The following MIB1 variants were observed in gnomAD, a reference collection of about 807,000 sequenced individuals.
The protein encoded by MIB1 is MIB E3 ubiquitin protein ligase 1.
Under a neutral mutation model 124.5 loss-of-function variants are expected in MIB1, and 278 were observed. That is an observed-to-expected ratio of 2.23 (90% CI 2.02 to 2.47). The LOEUF is 2.47. Ranked by LOEUF, MIB1 falls within the 30% of genes most tolerant of loss-of-function variation. MIB1 has a pLI of 0.00. For synonymous variants in MIB1, 446 were observed against 429.4 expected (o/e 1.04, Z -0.48); for missense variants, 957 against 1,254.4 (o/e 0.76, Z 3.58).
intron 6 of MIB1, among the ~76,000 whole-genome samples, chr18:21,782,023 A>T (rs554396841): frequency 6.6e-6 from 1 of 151,784 alleles, no homozygotes; most frequent in Non-Finnish European, 1.5e-5. Flanking sequence ...GCTGATCTTT[A>T]TTACTTCTTC....
intron 12 of MIB1, among the ~76,000 whole-genome samples, chr18:21,833,704 T>C (rs1414957529): frequency 6.6e-6 from 1 of 152,174 alleles, no homozygotes; most frequent in Non-Finnish European, 1.5e-5. Flanking sequence ...TGCATACCAG[T>C]GTAGACAGCT....
intron 13 of MIB1, among the ~76,000 whole-genome samples, chr18:21,840,663 ATATT>A (rs1424289477): frequency 4.7e-4 from 1 of 2,140 alleles, no homozygotes; most frequent in African/African-American, 7.2e-4. Context: ...ATATATATAT[ATATT>A]TTTTTTTTTT....
chr18:21,764,320 A>G (rs920395019), intron 1 of MIB1, among the ~76,000 whole-genome samples: 2 of 151,644 alleles, frequency 1.3e-5, no homozygotes, highest in African/African-American at 2.4e-5. Flanking sequence ...CCCTCAAAAC[A>G]GGCATACCAC....
chr18:21,857,020 G>A (rs559544927), intron 18 of MIB1, 110 bp from the exon 19 acceptor site: 11 of 731,236 alleles, frequency 1.5e-5, no homozygotes, highest in African/African-American at 6.9e-5. Context: ...GCTATAACTT[G>A]TATAACATTT....
chr18:21,787,648 C>T (rs927405268), intron 6 of MIB1, among the ~76,000 whole-genome samples: 1 of 151,910 alleles, frequency 6.6e-6, no homozygotes, highest in African/African-American at 2.4e-5. Flanking sequence ...TACAGAAATT[C>T]GTTTCTTTTA....
chr18:21,853,320 C>G, intron 18 of MIB1, 102 bp downstream of exon 18: 1 of 833,948 alleles, frequency 1.2e-6, no homozygotes, highest in Non-Finnish European at 1.9e-6. Flanking sequence ...TTGGATAACT[C>G]ATAAAAAAGT....
At chr18:21,844,025 T>C (rs2042113735) in intron 14 of MIB1, 67 bp from the exon 15 acceptor site, 2 of 1,506,532 alleles carry the variant, frequency 1.3e-6, no homozygotes, top group African/African-American at 2.8e-5. Flanking sequence ...TCACCATTAC[T>C]TTAGATATGT....
At chr18:21,710,302 C>T (rs1340118729) in intron 1 of MIB1, among the ~76,000 whole-genome samples, 2 of 151,896 alleles carry the variant, frequency 1.3e-5, no homozygotes, top group Non-Finnish European at 2.9e-5. Flanking sequence ...CCATATTGGC[C>T]AGGCTGGTCT....
intron 6 of MIB1, among the ~76,000 whole-genome samples, chr18:21,780,581 C>A (rs575311262): frequency 8.5e-5 from 13 of 152,178 alleles, no homozygotes; most frequent in Non-Finnish European, 1.9e-4. Flanking sequence ...CTTTTTATAG[C>A]TGAGTAATAC....
At chr18:21,830,449 G>A (rs2041968250) in intron 12 of MIB1, among the ~76,000 whole-genome samples, 1 of 152,080 alleles carries the variant, frequency 6.6e-6, no homozygotes, top group South Asian at 2.1e-4. Flanking sequence ...CATAGTATCT[G>A]AACAATATTC....
chr18:21,862,240 C>T (rs576672059), intron 20 of MIB1, among the ~76,000 whole-genome samples: 2 of 152,116 alleles, frequency 1.3e-5, no homozygotes, highest in Non-Finnish European at 2.9e-5. Context: ...TATAGCTTTG[C>T]TTCTCAAAAC....
chr18:21,711,107 G>A (rs1051711014), intron 1 of MIB1, among the ~76,000 whole-genome samples: 3 of 151,672 alleles, frequency 2.0e-5, no homozygotes, highest in Non-Finnish European at 2.9e-5. Flanking sequence ...GATTACAGGC[G>A]TGAGCCACTG....
intron 17 of MIB1, among the ~76,000 whole-genome samples, chr18:21,851,139 G>A (rs1442750055): frequency 6.6e-5 from 10 of 152,134 alleles, no homozygotes; most frequent in South Asian, 2.1e-4. Flanking sequence ...TCTCAGCTAT[G>A]AAGTTATTCT....
At position 21,768,622 on chromosome 18, in the gene MIB1, G is replaced by C; in HGVS notation, c.402-1G>C. On this transcript the variant is annotated splice_acceptor_variant, in intron 2 of 20. Transcript: ENST00000261537. LOFTEE classifies it high-confidence loss of function. ...TTGAAAATAAATAATTTTATTTTTA[G>C]GGTTCTGTTAGAGTCTCGTAGGAAA... The C allele has an allele frequency of 6.5e-7, 1 of 1,529,810 alleles. No individual in the cohort carries two copies. Among genetic ancestry groups the C allele is most frequent in the Non-Finnish European group, 8.8e-7 (1 of 1,134,448 alleles). 94.8% of individuals were successfully genotyped at this position (1,529,810 alleles called of 1,614,324 possible).
At chr18:21,836,518 T>A (rs1468618648) in intron 12 of MIB1, among the ~76,000 whole-genome samples, 3 of 152,172 alleles carry the variant, frequency 2.0e-5, no homozygotes, top group Non-Finnish European at 4.4e-5. Flanking sequence ...ACCAACAACT[T>A]GGAACTTATC....
intron 10 of MIB1, among the ~76,000 whole-genome samples, chr18:21,814,618 G>A (rs889027357): frequency 5.9e-5 from 9 of 151,920 alleles, no homozygotes; most frequent in African/African-American, 2.2e-4. Flanking sequence ...TGTCGCTCAG[G>A]CTTGGAGTGC....
rs774725850 is a variant in MIB1 at position 21,835,801 on chromosome 18, C to CCACACACA, written c.1830-2533_1830-2526dup. On this transcript the variant is annotated intron_variant, in intron 12 of 20. Coordinates refer to ENST00000261537, the MANE Select transcript of MIB1 (RefSeq NM_020774.4). ...AAAAAAAAAATATATATATATATAT[C>CCACACACA]CACACACACACACACACACACACAC... Among the ~76,000 whole-genome samples the CCACACACA allele has an allele frequency of 2.4e-3, 242 of 101,574 alleles. 1 individual carries two copies. Among genetic ancestry groups the CCACACACA allele is most frequent in the Non-Finnish European group, 3.7e-3 (203 of 54,528 alleles). 66.6% of individuals were successfully genotyped at this position (101,574 alleles called of 152,430 possible).
At chr18:21,830,214 T>TTA (rs1348968120) in intron 12 of MIB1, among the ~76,000 whole-genome samples, 2 of 152,160 alleles carry the variant, frequency 1.3e-5, no homozygotes, top group East Asian at 3.8e-4. Flanking sequence ...TTGTGGCCAA[T>TTA]TATTAGTAAG....
chr18:21,817,112 AGGTAGAT>A (rs2041836502), intron 11 of MIB1, among the ~76,000 whole-genome samples: 1 of 150,236 alleles, frequency 6.7e-6, no homozygotes, highest in African/African-American at 2.5e-5. Flanking sequence ...CAGGAGTAGA[AGGTAGAT>A]GGTAGATGGT....
Sources: gnomAD v4.1 joint callset for allele counts (sites outside exome capture counted in the v4.1 genomes callset) on GRCh38, gnomAD v4.1.1 for gene constraint, MANE v1.5 for transcripts, NCBI Gene and HGNC (gene_info 2026-07-23, HGNC 2026-07-21) for gene names.